TAOK1: variants seen among roughly 807,000 people sequenced by gnomAD.
TAOK1 encodes serine/threonine-protein kinase TAO1.
A neutral mutation model predicts 138.3 loss-of-function variants in TAOK1; 21 were observed. The observed-to-expected ratio is 0.15, with a 90% CI of 0.11 to 0.22. The LOEUF (loss-of-function observed/expected upper bound fraction) is 0.22, where lower values mean the gene tolerates loss of function less well. Ranked by LOEUF, TAOK1 falls within the 10% of genes least tolerant of loss-of-function variation. The pLI, the probability that TAOK1 is intolerant of heterozygous loss-of-function variation, is 1.00. For missense variants in TAOK1, 651 were observed against 1,227.7 expected (o/e 0.53, Z 7.02); for synonymous variants, 361 against 398.4 (o/e 0.91, Z 1.12).
intron 12 of TAOK1, among the ~76,000 whole-genome samples, chr17:29,499,843 G>A (rs1234016771): frequency 6.6e-6 from 1 of 152,188 alleles, no homozygotes. Flanking sequence ...TTACAGGCGT[G>A]AGCCACTGCA....
chr17:29,507,748 A>G (rs895422865), intron 13 of TAOK1, 148 bp from the exon 14 acceptor site: 3 of 726,176 alleles, frequency 4.1e-6, no homozygotes, highest in Admixed American at 6.0e-5. Context: ...AATTTCTTTA[A>G]AAGACTTGTT....
At chr17:29,408,516 C>T (rs1905057342) in intron 1 of TAOK1, among the ~76,000 whole-genome samples, 1 of 151,788 alleles carries the variant, frequency 6.6e-6, no homozygotes, top group Non-Finnish European at 1.5e-5. Context: ...GCGCCTGGCC[C>T]ATAACGTTTT....
intron 1 of TAOK1, among the ~76,000 whole-genome samples, chr17:29,439,860 C>T (rs150498925): frequency 0.05 from 5,195 of 104,656 alleles, 344 homozygotes; most frequent in African/African-American, 0.19. Context: ...AAGACTCTGT[C>T]TCCTAAAAAA....
intron 1 of TAOK1, among the ~76,000 whole-genome samples, chr17:29,399,930 C>G (rs892757890): frequency 2.0e-5 from 3 of 152,034 alleles, no homozygotes; most frequent in South Asian, 2.1e-4. Context: ...CGAGATCTCA[C>G]TATGTTGCCC....
intron 11 of TAOK1, among the ~76,000 whole-genome samples, 189 bp from the exon 12 acceptor site, chr17:29,498,129 C>A (rs1368189822): frequency 1.3e-5 from 2 of 152,082 alleles, no homozygotes; most frequent in Non-Finnish European, 2.9e-5. Flanking sequence ...ACTTGTTGGT[C>A]ATTTTTGTTT....
At chr17:29,412,853 A>G in intron 1 of TAOK1, among the ~76,000 whole-genome samples, 1 of 152,222 alleles carries the variant, frequency 6.6e-6, no homozygotes, top group East Asian at 1.9e-4. Context: ...CCGTAGTAGA[A>G]TCAGAAATGC....
chr17:29,523,826 C>T (rs1342880971), intron 17 of TAOK1, among the ~76,000 whole-genome samples: 1 of 152,188 alleles, frequency 6.6e-6, no homozygotes, highest in Non-Finnish European at 1.5e-5. Flanking sequence ...CTATTTAAAG[C>T]TTCTCCTGTA....
intron 1 of TAOK1, among the ~76,000 whole-genome samples, chr17:29,428,708 C>CGA (rs965950731): frequency 6.6e-6 from 1 of 152,022 alleles, no homozygotes; most frequent in Non-Finnish European, 1.5e-5. Flanking sequence ...ACTGCAGCCT[C>CGA]TACCTCCTGA....
chr17:29,541,348 G>C (rs568916991), intron 19 of TAOK1, among the ~76,000 whole-genome samples: 54 of 150,438 alleles, frequency 3.6e-4, no homozygotes, highest in Middle Eastern at 7.1e-3. Context: ...GACCTCAAGT[G>C]ATCTACCCGC....
chr17:29,447,371 C>T (rs1332206281), intron 1 of TAOK1, among the ~76,000 whole-genome samples: 1 of 152,096 alleles, frequency 6.6e-6, no homozygotes, highest in African/African-American at 2.4e-5. Flanking sequence ...CTCGCTGTGT[C>T]ACCCAGACTG....
intron 2 of TAOK1, among the ~76,000 whole-genome samples, chr17:29,456,628 A>G (rs540267299): frequency 2.0e-5 from 3 of 150,754 alleles, no homozygotes; most frequent in Non-Finnish European, 2.9e-5. Context: ...TAATGCAAAT[A>G]TTCCAAAATG....
intron 1 of TAOK1, among the ~76,000 whole-genome samples, chr17:29,403,082 A>G (rs566040560): frequency 6.8e-6 from 1 of 146,196 alleles, no homozygotes; most frequent in Non-Finnish European, 1.5e-5. Context: ...AACTGCTTCA[A>G]CCTGGGAGGT....
At chr17:29,446,140 A>G (rs1187128919) in intron 1 of TAOK1, among the ~76,000 whole-genome samples, 1 of 152,020 alleles carries the variant, frequency 6.6e-6, no homozygotes. Flanking sequence ...TTGGTAATTT[A>G]TGTCTGCTTG....
chr17:29,470,218 T>C (rs1408901044), intron 3 of TAOK1, among the ~76,000 whole-genome samples: 1 of 152,226 alleles, frequency 6.6e-6, no homozygotes, highest in Non-Finnish European at 1.5e-5. Flanking sequence ...GTTTAGGATG[T>C]GGCCTAAGTA....
intron 1 of TAOK1, among the ~76,000 whole-genome samples, chr17:29,408,847 G>C (rs1445351091): frequency 6.6e-6 from 1 of 151,840 alleles, no homozygotes; most frequent in Non-Finnish European, 1.5e-5. Context: ...CAAGTAGCTG[G>C]GATTACAGGT....
intron 17 of TAOK1, among the ~76,000 whole-genome samples, chr17:29,523,727 C>T (rs932804196): frequency 2.0e-5 from 3 of 152,082 alleles, no homozygotes; most frequent in Non-Finnish European, 2.9e-5. Flanking sequence ...TATCTGTCAT[C>T]GATGATAAGC....
At chr17:29,494,160 G>T (rs1778377724) in intron 10 of TAOK1, among the ~76,000 whole-genome samples, 2 of 152,052 alleles carry the variant, frequency 1.3e-5, no homozygotes, top group Admixed American at 6.6e-5. Flanking sequence ...GCCTGCCTTG[G>T]CCTCCCAAAG....
In TAOK1 at chr17:29,545,516, T is replaced by C. The variant is rs1363078135; in HGVS notation, c.*2494T>C. The C allele has an allele frequency of 6.6e-6, 1 of 152,178 alleles. No individual in the cohort carries two copies. Among genetic ancestry groups the C allele is most frequent in the Admixed American group, 6.5e-5 (1 of 15,268 alleles). The allele number at this position is 152,178 out of a possible 1,614,324, so 9.4% of individuals were successfully genotyped here. A position where few individuals can be genotyped will look rare whatever the true frequency, so the allele number is the denominator to read the frequency against. On this transcript the variant is annotated 3_prime_UTR_variant, in exon 20 of 20. Coordinates refer to ENST00000261716, the MANE Select transcript of TAOK1 (RefSeq NM_020791.4). ...TTACTGAGTCCATTCAGATCTCCAG[T>C]AGGGTTTTGTATCTAATGTATTTGG...
At chr17:29,463,878 A>G (rs778464586) in intron 2 of TAOK1, among the ~76,000 whole-genome samples, 27 of 152,176 alleles carry the variant, frequency 1.8e-4, no homozygotes, top group Non-Finnish European at 3.8e-4. Context: ...ATAAAAAGAC[A>G]CTCAATTTTA....
Sources: allele counts gnomAD v4.1 joint callset (sites outside exome capture counted in the v4.1 genomes callset), GRCh38; gene constraint gnomAD v4.1.1; transcripts MANE v1.5; gene names NCBI Gene and HGNC (gene_info 2026-07-23, HGNC 2026-07-21).